Variants in TMEM132D observed in about 807,000 individuals in gnomAD.
TMEM132D encodes the protein mature OL transmembrane protein.
TMEM132D carries 21 observed loss-of-function variants against 62.3 expected under a neutral mutation model. The ratio of observed to expected loss-of-function variants is 0.34; its 90% CI spans 0.24 to 0.49. The LOEUF (loss-of-function observed/expected upper bound fraction) is 0.49, where lower values mean the gene tolerates loss of function less well. Among genes scored for constraint, TMEM132D ranks in the 20% least tolerant of loss-of-function variants. The probability of loss-of-function intolerance (pLI) is 0.99; values close to 1 mark genes in which losing one functional copy is unlikely to be tolerated. For missense variants in TMEM132D, 1,346 were observed against 1,402.8 expected, an observed-to-expected ratio of 0.96 and a Z score of 0.65; for synonymous variants, 621 against 575.6, an observed-to-expected ratio of 1.08 and a Z score of -1.13.
chr12:129,689,424 A>C lies in TMEM132D; in HGVS notation c.968+10386T>G, dbSNP rs189173269. On this transcript the variant is annotated intron_variant, in intron 2 of 8. Transcript: ENST00000422113. ...AAGAAAATGTAGATTCTCTCAGCCT[A>C]GAATTGGCTTCCCTGCCTCTCTAAG... 3.3e-3 allele frequency among the ~76,000 whole-genome samples: 482 copies of C among 146,970 alleles called. 1 individual carries two copies. Among genetic ancestry groups the C allele is most frequent in the Non-Finnish European group, 6.0e-3 (389 of 65,302 alleles).
chr12:129,329,065 A>G (rs542011141), intron 4 of TMEM132D, among the ~76,000 whole-genome samples: 4 of 151,138 alleles, frequency 2.6e-5, no homozygotes, highest in African/African-American at 9.7e-5. Context: ...ATACTTTCAT[A>G]CGTCTGGAAT....
intron 3 of TMEM132D, among the ~76,000 whole-genome samples, chr12:129,394,495 C>T (rs554757593): frequency 6.6e-6 from 1 of 152,126 alleles, no homozygotes; most frequent in Non-Finnish European, 1.5e-5. Context: ...TCCGGGCCTG[C>T]GTGAGTTCTT....
At chr12:129,492,405 A>G (rs572789611) in intron 3 of TMEM132D, among the ~76,000 whole-genome samples, 5 of 152,378 alleles carry the variant, frequency 3.3e-5, no homozygotes, top group East Asian at 3.9e-4. Context: ...GTGATGGAAC[A>G]TAAGTACACT....
In TMEM132D at chr12:129,078,387, T is replaced by A. The variant is rs543499108; in HGVS notation, c.2115+147A>T. ...ACATGAGGCAGAGGAGTCACCTGCT[T>A]CAGAAGAGCCCTTTGCAGATGGAGA... On this transcript the variant is annotated intron_variant, in intron 8 of 8. Coordinates refer to ENST00000422113, the MANE Select transcript of TMEM132D (RefSeq NM_133448.3). The A allele has an allele frequency of 8.1e-4, 592 of 735,106 alleles. 1 individual carries two copies. The highest frequency in any genetic ancestry group is 1.2e-3 in the Non-Finnish European group (532 of 457,348). The allele number at this position is 735,106 out of a possible 1,614,324, so 45.5% of individuals were successfully genotyped here. A position where few individuals can be genotyped will look rare whatever the true frequency, so the allele number is the denominator to read the frequency against.
intron 1 of TMEM132D, among the ~76,000 whole-genome samples, chr12:129,713,076 T>C (rs980246284): frequency 1.3e-5 from 2 of 152,094 alleles, no homozygotes; most frequent in African/African-American, 4.8e-5. Flanking sequence ...TGGGGAACTA[T>C]GTTCAAGCCA....
chr12:129,573,038 T>C (rs186632522), intron 2 of TMEM132D, among the ~76,000 whole-genome samples: 3 of 152,326 alleles, frequency 2.0e-5, no homozygotes, highest in Admixed American at 6.5e-5. Context: ...ATTACTCATA[T>C]GCTATACAAA....
At chr12:129,172,551 C>G (rs569011329) in intron 5 of TMEM132D, among the ~76,000 whole-genome samples, 96 of 152,334 alleles carry the variant, frequency 6.3e-4, no homozygotes, top group African/African-American at 2.2e-3. Context: ...CATTTGAACA[C>G]TTAGAGGCCA....
In TMEM132D at chr12:129,090,566, G is replaced by T. The variant is rs530254809; in HGVS notation, c.1444-5864C>A. Among the ~76,000 whole-genome samples the T allele has an allele frequency of 7.2e-5, 11 of 152,228 alleles. No individual in the cohort carries two copies. The South Asian group carries it at 1.5e-3, about 20-fold the overall frequency. ...ACCTGTAGTCCTAGCTATTCAGAAG[G>T]CTGAGGCAGGAGAATTGCTTGAACC... On this transcript the variant is annotated intron_variant, in intron 5 of 8. Coordinates refer to ENST00000422113, the MANE Select transcript of TMEM132D (RefSeq NM_133448.3).
chr12:129,465,689 TTA>T (rs1250431700), intron 3 of TMEM132D, among the ~76,000 whole-genome samples: 1 of 151,990 alleles, frequency 6.6e-6, no homozygotes, highest in Non-Finnish European at 1.5e-5. Flanking sequence ...AGTGAACTCC[TTA>T]TTTTATTTTA....
chr12:129,084,377 C>T (rs889570730), intron 6 of TMEM132D, 120 bp downstream of exon 6: 15 of 972,028 alleles, frequency 1.5e-5, no homozygotes, highest in East Asian at 8.6e-5. Context: ...CCAAGCTGAG[C>T]GGTGGAGGGA....
intron 2 of TMEM132D, among the ~76,000 whole-genome samples, chr12:129,607,260 G>A (rs1878652641): frequency 6.6e-6 from 1 of 152,146 alleles, no homozygotes. Flanking sequence ...GGATCTCTGG[G>A]AGCCTGGGTG....
intron 4 of TMEM132D, among the ~76,000 whole-genome samples, chr12:129,232,260 C>T (rs1229284506): frequency 1.3e-5 from 2 of 152,188 alleles, no homozygotes; most frequent in Non-Finnish European, 2.9e-5. Flanking sequence ...GTGCCTTCTA[C>T]TCTGCTGGAC....
chr12:129,775,425 C>G (rs1327438376), intron 1 of TMEM132D, among the ~76,000 whole-genome samples: 4 of 152,190 alleles, frequency 2.6e-5, no homozygotes, highest in Non-Finnish European at 5.9e-5. Context: ...GCCACCAGCA[C>G]TGTGCAGAGG....
At chr12:129,238,677 G>T (rs931944322) in intron 4 of TMEM132D, among the ~76,000 whole-genome samples, 2 of 152,196 alleles carry the variant, frequency 1.3e-5, no homozygotes, top group African/African-American at 4.8e-5. Context: ...TTTAAGGCTG[G>T]ATGATATTCC....
chr12:129,199,115 T>A (rs900807473), intron 5 of TMEM132D, among the ~76,000 whole-genome samples: 3 of 130,836 alleles, frequency 2.3e-5, no homozygotes, highest in African/African-American at 8.1e-5. Context: ...TTTTTTTTTT[T>A]TTTTTTTTTT....
intron 2 of TMEM132D, among the ~76,000 whole-genome samples, chr12:129,584,992 A>G (rs1877983749): frequency 6.6e-6 from 1 of 152,202 alleles, no homozygotes; most frequent in African/African-American, 2.4e-5. Flanking sequence ...TGTATGTGGC[A>G]GTTTCCTCGA....
chr12:129,089,905 G>A (rs1874851182), intron 5 of TMEM132D, among the ~76,000 whole-genome samples: 1 of 152,256 alleles, frequency 6.6e-6, no homozygotes, highest in South Asian at 2.1e-4. Context: ...TGTCTCTCCT[G>A]CCTGAGGGCT....
chr12:129,577,655 G>T (rs1419593236), intron 2 of TMEM132D, among the ~76,000 whole-genome samples: 1 of 149,658 alleles, frequency 6.7e-6, no homozygotes, highest in Non-Finnish European at 1.5e-5. Flanking sequence ...CTAACGTTCA[G>T]TTTTTGATAT....
At chr12:129,545,490 C>T (rs1431953304) in intron 2 of TMEM132D, among the ~76,000 whole-genome samples, 1 of 151,784 alleles carries the variant, frequency 6.6e-6, no homozygotes, top group Non-Finnish European at 1.5e-5. Context: ...GAGATCTATG[C>T]CTTAGACACA....
Sources: allele counts gnomAD v4.1 joint callset (sites outside exome capture counted in the v4.1 genomes callset), GRCh38; gene constraint gnomAD v4.1.1; transcripts MANE v1.5; gene names NCBI Gene and HGNC (gene_info 2026-07-23, HGNC 2026-07-21).